Variants in GRM8 observed in about 807,000 individuals in gnomAD.
The protein encoded by GRM8 is metabotropic glutamate receptor 8.
Under a neutral mutation model 87.2 loss-of-function variants are expected in GRM8, and 47 were observed. The ratio of observed to expected loss-of-function variants is 0.54; its 90% CI spans 0.43 to 0.69. The LOEUF (loss-of-function observed/expected upper bound fraction) is 0.69. Ranked by LOEUF, GRM8 falls within the 30% of genes least tolerant of loss-of-function variation. The pLI, the probability that GRM8 is intolerant of heterozygous loss-of-function variation, is 0.00. For missense variants in GRM8, 1,019 were observed against 1,139.2 expected, an observed-to-expected ratio of 0.89 and a Z score of 1.52; for synonymous variants, 396 against 404.5, an observed-to-expected ratio of 0.98 and a Z score of 0.25.
rs1432487655 is a variant in GRM8 at position 127,251,809 on chromosome 7, G to A, written c.-312+988C>T. On this transcript the variant is annotated intron_variant, in intron 1 of 10. Transcript: ENST00000339582. ...CCTTTGCTTTTTAAACAAGATCCCC[G>A]AGACCTTTTCTCCATCCCCCCAACC... 2.0e-5 allele frequency among the ~76,000 whole-genome samples: 3 copies of A among 152,072 alleles called. No homozygotes were observed. The East Asian group carries it at 5.8e-4, about 29-fold the overall frequency.
rs561998988 is a variant in GRM8 at position 126,718,858 on chromosome 7, C to A, written c.1357+51007G>T. Reference sequence around the variant, plus strand: ...ATTTCTCATGAGGGTAGCTCCAAATCATTTTCATAATCTGCCATACTTTCC... The same window carrying A: ...ATTTCTCATGAGGGTAGCTCCAAATAATTTTCATAATCTGCCATACTTTCC... On this transcript the variant is annotated intron_variant, in intron 7 of 10. Transcript: ENST00000339582. Among the ~76,000 whole-genome samples the A allele has an allele frequency of 1.7e-4, 26 of 152,300 alleles. 1 individual carries two copies. In the East Asian group the frequency reaches 5.0e-3, roughly 29 times the overall value.
chr7:127,232,220 A>T (rs866444608), intron 2 of GRM8, among the ~76,000 whole-genome samples: 4,626 of 135,836 alleles, frequency 0.034, 98 homozygotes, highest in South Asian at 0.06. Context: ...TGTGAGAGAG[A>T]GAGAGAGAGA....
At chr7:126,528,875 G>A (rs1049679810) in intron 9 of GRM8, among the ~76,000 whole-genome samples, 1 of 152,126 alleles carries the variant, frequency 6.6e-6, no homozygotes, top group Non-Finnish European at 1.5e-5. Context: ...TTGAACCCAA[G>A]ATTTCACATT....
chr7:126,799,385 T>A (rs1226456711), intron 6 of GRM8, among the ~76,000 whole-genome samples: 1 of 152,030 alleles, frequency 6.6e-6, no homozygotes, highest in Non-Finnish European at 1.5e-5. Context: ...TACCAATCAG[T>A]AGTGAGGAGC....
chr7:126,815,234 T>C (rs1448173591), intron 6 of GRM8, among the ~76,000 whole-genome samples: 1 of 152,118 alleles, frequency 6.6e-6, no homozygotes, highest in Non-Finnish European at 1.5e-5. Flanking sequence ...TCAAGTCTTT[T>C]TGGTACACAG....
At chr7:126,724,104 G>A (rs10240139) in intron 7 of GRM8, among the ~76,000 whole-genome samples, 25,596 of 151,980 alleles carry the variant, frequency 0.17, 2,475 homozygotes, top group African/African-American at 0.21. Context: ...TGATTCACTT[G>A]AGTCCTCCTC....
At chr7:126,488,320 G>A (rs1479987485) in intron 9 of GRM8, among the ~76,000 whole-genome samples, 1 of 151,732 alleles carries the variant, frequency 6.6e-6, no homozygotes, top group Admixed American at 6.6e-5. Flanking sequence ...TGTCAACTCA[G>A]TGAAAAAGAC....
At chr7:126,682,120 C>T (rs1267331988) in intron 7 of GRM8, among the ~76,000 whole-genome samples, 1 of 152,224 alleles carries the variant, frequency 6.6e-6, no homozygotes, top group Non-Finnish European at 1.5e-5. Context: ...TGGTACCTTT[C>T]TTAGCACTGA....
chr7:127,211,342 T>C (rs984676077), intron 2 of GRM8, among the ~76,000 whole-genome samples: 5 of 152,168 alleles, frequency 3.3e-5, no homozygotes, highest in Non-Finnish European at 7.4e-5. Context: ...GCAGGAAGCA[T>C]CCAGCATGGG....
At chr7:126,491,618 C>T (rs1033123365) in intron 9 of GRM8, among the ~76,000 whole-genome samples, 1 of 152,020 alleles carries the variant, frequency 6.6e-6, no homozygotes, top group Non-Finnish European at 1.5e-5. Context: ...AAACAAAGAC[C>T]ATGTGAATTC....
At position 126,533,501 on chromosome 7, in the gene GRM8, C is replaced by T. The variant is rs199574186; in HGVS notation, c.1881G>A (p.Thr627=). 1.7e-5 allele frequency: 28 copies of T among 1,613,920 alleles called. No individual in the cohort carries two copies. The highest frequency in any genetic ancestry group is 9.9e-5 in the South Asian group (9 of 91,072). Residue 627 remains threonine, a synonymous_variant, in exon 9 of 11, where the codon ACG becomes ACA. Coordinates refer to ENST00000339582, the MANE Select transcript of GRM8 (RefSeq NM_000845.3). ...SGRELSYVLL[T]GIFLCYSITF... is the part of the protein sequence containing the mutation. ...TGATTGAATAACAGAGAAAAATCCC[C>T]GTTAGGAGCACGTAACTAAGTTCGC... is the stretch of plus-strand genomic sequence containing the variant.
At chr7:127,004,129 T>C (rs1814023581) in intron 3 of GRM8, among the ~76,000 whole-genome samples, 1 of 151,736 alleles carries the variant, frequency 6.6e-6, no homozygotes, top group African/African-American at 2.4e-5. Flanking sequence ...AGAGCACTTA[T>C]TTAAATAGTG....
chr7:126,688,782 T>C (rs1808458803), intron 7 of GRM8, among the ~76,000 whole-genome samples: 1 of 144,404 alleles, frequency 6.9e-6, no homozygotes, highest in South Asian at 2.1e-4. Flanking sequence ...ACACACAGTG[T>C]CTATGGCATG....
chr7:127,072,142 T>G (rs947047343), intron 3 of GRM8, among the ~76,000 whole-genome samples: 7 of 152,054 alleles, frequency 4.6e-5, no homozygotes, highest in African/African-American at 1.7e-4. Context: ...TCGTGTTTCC[T>G]TGCCTGTGCA....
chr7:127,114,600 T>G (rs1424565165), intron 2 of GRM8, among the ~76,000 whole-genome samples: 1 of 152,130 alleles, frequency 6.6e-6, no homozygotes, highest in East Asian at 1.9e-4. Context: ...AGAGACAAGA[T>G]CAATCCATTC....
chr7:126,724,175 T>G (rs1439575910), intron 7 of GRM8, among the ~76,000 whole-genome samples: 2 of 152,172 alleles, frequency 1.3e-5, no homozygotes, highest in African/African-American at 4.8e-5. Flanking sequence ...CAATGAGATA[T>G]GGAAGATTAG....
chr7:126,958,356 G>C (rs977409711), intron 3 of GRM8, among the ~76,000 whole-genome samples: 4 of 152,172 alleles, frequency 2.6e-5, no homozygotes, highest in Non-Finnish European at 5.9e-5. Flanking sequence ...CCCTGAGCCA[G>C]GGGCTCTGCA....
At chr7:126,845,308 A>G (rs1796615418) in intron 6 of GRM8, among the ~76,000 whole-genome samples, 1 of 152,200 alleles carries the variant, frequency 6.6e-6, no homozygotes, top group Admixed American at 6.5e-5. Context: ...CCAGACAAGG[A>G]TATTCAGCAG....
intron 6 of GRM8, among the ~76,000 whole-genome samples, chr7:126,819,072 T>C (rs553050293): frequency 7.9e-5 from 12 of 152,136 alleles, no homozygotes; most frequent in Non-Finnish European, 1.8e-4. Flanking sequence ...CTGAGGGATC[T>C]CCCGTTTCTG....
Sources: gnomAD v4.1 joint callset for allele counts (sites outside exome capture counted in the v4.1 genomes callset) on GRCh38, gnomAD v4.1.1 for gene constraint, MANE v1.5 for transcripts, NCBI Gene and HGNC (gene_info 2026-07-23, HGNC 2026-07-21) for gene names.